Variants in MRPS22 observed in about 807,000 individuals in gnomAD.
The protein encoded by MRPS22 is small ribosomal subunit protein mS22.
Under a neutral mutation model 44.0 loss-of-function variants are expected in MRPS22, and 30 were observed. The observed-to-expected ratio is 0.68, with a 90% CI of 0.51 to 0.93. MRPS22 has a LOEUF of 0.93. MRPS22 is among the 40% of genes least tolerant of loss of function. MRPS22 has a pLI of 0.00. For missense variants in MRPS22, 447 were observed against 447.8 expected (o/e 1.00, Z 0.02); for synonymous variants, 165 against 154.4 (o/e 1.07, Z -0.51).
Position 139,353,725 on chromosome 3 carries a change from C to G in MRPS22, c.878+933C>G, listed in dbSNP as rs558902549. 3.9e-5 allele frequency among the ~76,000 whole-genome samples: 6 copies of G among 152,230 alleles called. No individual in the cohort carries two copies. The South Asian group carries it at 1.2e-3, about 32-fold the overall frequency. Reference sequence around the variant, plus strand: ...TGATTTCCAGGCTAGCCCATTTCACCAGCATATGTAGTGTAATAAAAATCA... The same window carrying G: ...TGATTTCCAGGCTAGCCCATTTCACGAGCATATGTAGTGTAATAAAAATCA... On this transcript the variant is annotated intron_variant, in intron 6 of 7. Coordinates refer to ENST00000680020, the MANE Select transcript of MRPS22 (RefSeq NM_020191.4).
chr3:139,344,527 A>G (rs1167503426), intron 1 of MRPS22: 1 of 609,238 alleles, frequency 1.6e-6, no homozygotes, highest in Non-Finnish European at 2.9e-6. Flanking sequence ...CCGGGTTGTT[A>G]TAGGGGACGC....
chr3:139,350,410 C>T, intron 4 of MRPS22, 88 bp downstream of exon 4: 1 of 1,394,122 alleles, frequency 7.2e-7, no homozygotes, highest in East Asian at 2.3e-5. Context: ...TCCAGATAAA[C>T]ATTTCTAATG....
chr3:139,344,579 G>T, intron 1 of MRPS22: 2 of 625,160 alleles, frequency 3.2e-6, no homozygotes, highest in South Asian at 3.7e-5. Context: ...GGTCAGGGAA[G>T]GGTTCCTGGC....
At position 139,350,190 on chromosome 3, in the gene MRPS22, TGTC is replaced by T. The variant is rs761594271; in HGVS notation, c.520_522del (p.Val174del). On this transcript the variant is annotated inframe_deletion, in exon 4 of 8. Transcript: ENST00000680020. Reference sequence around the variant, plus strand: ...TTTTTCTATTTTAGGAGCGTTTTATTGTCGTCAGAGAACCAAGTGGCACACTAC... The same window carrying T: ...TTTTTCTATTTTAGGAGCGTTTTATTGTCAGAGAACCAAGTGGCACACTAC... The T allele has an allele frequency of 1.4e-5, 23 of 1,614,074 alleles. No individual in the cohort carries two copies. The highest frequency in any genetic ancestry group is 1.9e-5 in the Non-Finnish European group (22 of 1,180,034).
chr3:139,344,306 T>A, intron 1 of MRPS22, 108 bp downstream of exon 1: 1 of 1,188,378 alleles, frequency 8.4e-7, no homozygotes, highest in Non-Finnish European at 1.2e-6. Flanking sequence ...ATCCTAGCGC[T>A]TCCTCAGATT....
At chr3:139,352,301 T>G (rs1576364073) in intron 5 of MRPS22, 1 of 256,776 alleles carries the variant, frequency 3.9e-6, no homozygotes, top group South Asian at 4.9e-5. Flanking sequence ...AAAGACAGGG[T>G]CTTATTCTGT....
intron 7 of MRPS22, among the ~76,000 whole-genome samples, chr3:139,356,036 G>A (rs1576366038): frequency 6.6e-6 from 1 of 152,288 alleles, no homozygotes; most frequent in South Asian, 2.1e-4. Flanking sequence ...GTCCAGAGAA[G>A]TTCTGACAGT....
chr3:139,352,848 T>C (rs760807808), intron 6 of MRPS22, 56 bp downstream of exon 6: 14 of 1,561,508 alleles, frequency 9.0e-6, no homozygotes, highest in Admixed American at 8.4e-5. Context: ...ACAGTTCATC[T>C]GTATTTAGGC....
chr3:139,352,579 T>C, intron 5 of MRPS22, 68 bp from the exon 6 acceptor site: 1 of 1,411,372 alleles, frequency 7.1e-7, no homozygotes, highest in Non-Finnish European at 1.0e-6. Flanking sequence ...TGCTAATCAG[T>C]GTACGTTGAA....
Position 139,348,231 on chromosome 3 carries a change from A to G in MRPS22, c.411A>G (p.Pro137=), listed in dbSNP as rs759473180. 5.6e-6 allele frequency: 9 copies of G among 1,614,140 alleles called. No homozygotes were observed. The highest frequency in any genetic ancestry group is 1.1e-5 in the South Asian group (1 of 91,090). ...CACCAGTTCTGGAAGAGCGAGTACC[A>G]ATAAATGATGTGTTAGCTGAAGATA... is the stretch of plus-strand genomic sequence containing the variant. ...KMPPVLEERV[P]INDVLAEDKI... Residue 137 remains proline (P), a synonymous_variant, in exon 3 of 8, where the codon CCA becomes CCG. Coordinates refer to ENST00000680020, the MANE Select transcript of MRPS22 (RefSeq NM_020191.4).
At chr3:139,347,080 C>G in intron 2 of MRPS22, 36 bp downstream of exon 2, 1 of 1,611,266 alleles carries the variant, frequency 6.2e-7, no homozygotes. Context: ...GAATACCTTT[C>G]TTTAAGGGTT....
At chr3:139,350,364 G>T in intron 4 of MRPS22, 42 bp downstream of exon 4, 2 of 1,607,296 alleles carry the variant, frequency 1.2e-6, no homozygotes, top group South Asian at 2.2e-5. Flanking sequence ...CAGTGGTGAT[G>T]ATTTATTTGT....
At chr3:139,349,633 C>T (rs1160099496) in intron 3 of MRPS22, among the ~76,000 whole-genome samples, 1 of 152,114 alleles carries the variant, frequency 6.6e-6, no homozygotes, top group Non-Finnish European at 1.5e-5. Flanking sequence ...GATCCCATGG[C>T]CTGGGAGTTG....
Position 139,357,043 on chromosome 3 carries a change from T to TA in MRPS22, c.*32dup. 1 of 1,466,296 alleles carries TA rather than the reference T, an allele frequency of 6.8e-7. No individual in the cohort carries two copies. The highest frequency in any genetic ancestry group is 9.5e-7 in the Non-Finnish European group (1 of 1,054,062). 90.8% of individuals were successfully genotyped at this position (1,466,296 alleles called of 1,614,324 possible). On this transcript the variant is annotated 3_prime_UTR_variant, in exon 8 of 8. Transcript: ENST00000680020. ...TATTTTAAAAATACATTTATTTTAC[T>TA]AAATACTGACTACATTTCTCTGTTA...
intron 6 of MRPS22, among the ~76,000 whole-genome samples, chr3:139,354,695 C>T (rs765226101): frequency 3.3e-5 from 5 of 152,186 alleles, no homozygotes; most frequent in Admixed American, 3.3e-4. Flanking sequence ...TGTCACCCTG[C>T]TCTTCATCCC....
At position 139,344,807 on chromosome 3, in the gene MRPS22, G is replaced by A. The variant is rs531860251; in HGVS notation, c.172+609G>A. Reference sequence around the variant, plus strand: ...TTCTTAAGTTTTTGATTGGAATAGAGGGTTGTCCCATTTACACCAAGATGA... The same window carrying A: ...TTCTTAAGTTTTTGATTGGAATAGAAGGTTGTCCCATTTACACCAAGATGA... On this transcript the variant is annotated intron_variant, in intron 1 of 7. Transcript: ENST00000680020. 80 of 592,578 alleles carry A rather than the reference G, an allele frequency of 1.4e-4. 1 individual carries two copies. The South Asian group carries it at 1.6e-3, about 12-fold the overall frequency. The allele number at this position is 592,578 out of a possible 1,614,324, so 36.7% of individuals were successfully genotyped here.
chr3:139,345,438 GTTTTT>G (rs55710231), intron 1 of MRPS22, among the ~76,000 whole-genome samples: 1 of 121,646 alleles, frequency 8.2e-6, no homozygotes, highest in Non-Finnish European at 1.6e-5. Context: ...TGCCAGTGGT[GTTTTT>G]TTTTTTGTTT....
Position 139,347,056 on chromosome 3 carries a change from C to T in MRPS22, c.339+12C>T, listed in dbSNP as rs1292502712. ...CACAGTTGGAAGAGGTACGTGAATG[C>T]AGGAATATTGTTAGAATACCTTTCT... is the stretch of plus-strand genomic sequence containing the variant. On this transcript the variant is annotated intron_variant, in intron 2 of 7. Coordinates refer to ENST00000680020, the MANE Select transcript of MRPS22 (RefSeq NM_020191.4). 6 of 1,613,882 alleles carry T rather than the reference C, an allele frequency of 3.7e-6. No homozygotes were observed. Among genetic ancestry groups the T allele is most frequent in the Non-Finnish European group, 5.1e-6 (6 of 1,179,878 alleles).
intron 6 of MRPS22, among the ~76,000 whole-genome samples, chr3:139,354,035 T>C (rs924293316): frequency 2.6e-5 from 4 of 152,250 alleles, no homozygotes; most frequent in African/African-American, 7.2e-5. Context: ...AAGCAATTCA[T>C]GCTTACTGGG....
Sources: gnomAD v4.1 joint callset for allele counts (sites outside exome capture counted in the v4.1 genomes callset) on GRCh38, gnomAD v4.1.1 for gene constraint, MANE v1.5 for transcripts, NCBI Gene and HGNC (gene_info 2026-07-23, HGNC 2026-07-21) for gene names.